Variants in ANK3 observed in about 807,000 individuals in gnomAD.
ANK3 encodes the protein ankyrin 3.
A neutral mutation model predicts 370.9 loss-of-function variants in ANK3; 57 were observed. The ratio of observed to expected loss-of-function variants is 0.15; its 90% CI spans 0.12 to 0.19. ANK3 has a LOEUF of 0.19. Ranked by LOEUF, ANK3 falls within the 10% of genes least tolerant of loss-of-function variation. The probability of loss-of-function intolerance (pLI) is 1.00; values close to 1 mark genes in which losing one functional copy is unlikely to be tolerated. For missense variants in ANK3, 4,439 were observed against 5,302.1 expected, an observed-to-expected ratio of 0.84 and a Z score of 5.06; for synonymous variants, 1,929 against 1,946.3, an observed-to-expected ratio of 0.99 and a Z score of 0.23.
chr10:60,055,561 A>G lies in ANK3; in HGVS notation c.13065+97T>C, dbSNP rs2079016700. 5 of 1,446,702 alleles carry G rather than the reference A, an allele frequency of 3.5e-6. No homozygotes were observed. The South Asian group carries it at 7.8e-5, about 23-fold the overall frequency. 89.6% of individuals were successfully genotyped at this position (1,446,702 alleles called of 1,614,324 possible). A position where few individuals can be genotyped will look rare whatever the true frequency, so the allele number is the denominator to read the frequency against. The stretch of plus-strand genomic sequence containing the variant: ...ACACATTTATAATTTAGAAATCGTA[A>G]AAAACCTTGGGCCCCCGGCTGCAAG... On this transcript the variant is annotated intron_variant, in intron 42 of 43. Transcript: ENST00000280772.
At chr10:60,252,841 C>T (rs577379852) in intron 7 of ANK3, among the ~76,000 whole-genome samples, 3 of 152,288 alleles carry the variant, frequency 2.0e-5, no homozygotes, top group Admixed American at 1.3e-4. Flanking sequence ...ACCTGACCTG[C>T]GTCATGCTTT....
chr10:60,702,004 A>G (rs2079551220), intron 1 of ANK3, among the ~76,000 whole-genome samples: 2 of 152,160 alleles, frequency 1.3e-5, no homozygotes, highest in Admixed American at 1.3e-4. Flanking sequence ...CATGCCTATA[A>G]TTCCAGCACT....
intron 7 of ANK3, among the ~76,000 whole-genome samples, chr10:60,250,920 T>G (rs2097653544): frequency 6.6e-6 from 1 of 152,232 alleles, no homozygotes; most frequent in Admixed American, 6.5e-5. Context: ...TTTCTTGTGA[T>G]GATATTGGAT....
chr10:60,108,948 G>C lies in ANK3; in HGVS notation c.3055C>G (p.Arg1019Gly), dbSNP rs1483512601. The C allele has an allele frequency of 1.9e-6, 3 of 1,613,888 alleles. No homozygotes were observed. Among genetic ancestry groups the C allele is most frequent in the South Asian group, 1.1e-5 (1 of 91,082 alleles). Residue 1019 changes from arginine (R) to glycine (G), a missense_variant, in exon 27 of 44, where the codon CGA becomes GGA. Arg to Gly is a moderately radical substitution (Grantham distance 125, BLOSUM62 -2). Coordinates refer to ENST00000280772, the MANE Select transcript of ANK3 (RefSeq NM_020987.5). ...CTCTTTACCAAACGGCAGGTGATTC[G>C]AGTGGGGGCCGTACACTTGCGTGGA... ...IPPRKCTAPT[R>G]ITCRLVKRHK...
intron 21 of ANK3, among the ~76,000 whole-genome samples, chr10:60,168,117 C>T (rs913489403): frequency 4.6e-5 from 7 of 152,166 alleles, no homozygotes; most frequent in Non-Finnish European, 7.3e-5. Context: ...CCTCTGCCTC[C>T]CAGGTTCAAG....
chr10:60,627,838 ACG>A (rs1182848931), intron 1 of ANK3, among the ~76,000 whole-genome samples: 1 of 152,112 alleles, frequency 6.6e-6, no homozygotes, highest in Non-Finnish European at 1.5e-5. Context: ...CCTCAAAATA[ACG>A]CCATAACATC....
At chr10:60,701,572 G>A (rs963917912) in intron 1 of ANK3, among the ~76,000 whole-genome samples, 3 of 152,152 alleles carry the variant, frequency 2.0e-5, no homozygotes, top group Admixed American at 2.0e-4. Flanking sequence ...CAACACAATA[G>A]CATTTATTGC....
intron 2 of ANK3, among the ~76,000 whole-genome samples, chr10:60,405,142 A>G (rs1174671644): frequency 6.6e-6 from 1 of 152,158 alleles, no homozygotes; most frequent in Non-Finnish European, 1.5e-5. Flanking sequence ...TAATACAAAC[A>G]CCTACCCTAT....
chr10:60,243,389 T>C lies in ANK3; in HGVS notation c.799-8603A>G, dbSNP rs1013593933. On this transcript the variant is annotated intron_variant, in intron 7 of 43. Transcript: ENST00000280772. ...TCAGGGTATGGCCTCCACAATGGGA[T>C]TGGTGGCTTTATAAGAAGAGGAGAA... Among the ~76,000 whole-genome samples, 12 of 152,122 alleles carry C rather than the reference T, an allele frequency of 7.9e-5. No individual in the cohort carries two copies. The East Asian group carries it at 1.2e-3, about 15-fold the overall frequency.
intron 16 of ANK3, among the ~76,000 whole-genome samples, chr10:60,193,900 C>T (rs2096540287): frequency 1.3e-5 from 2 of 152,254 alleles, no homozygotes; most frequent in South Asian, 4.1e-4. Flanking sequence ...GTAGGAGGAT[C>T]ACTTGAGGTT....
At chr10:60,628,964 A>G (rs1190769237) in intron 1 of ANK3, among the ~76,000 whole-genome samples, 1 of 152,192 alleles carries the variant, frequency 6.6e-6, no homozygotes, top group Non-Finnish European at 1.5e-5. Flanking sequence ...ACTTCTCTTC[A>G]ACTTAGGTAT....
intron 9 of ANK3, 43 bp from the exon 10 acceptor site, chr10:60,208,276 A>AAACACAAATGTGCAG: frequency 6.4e-7 from 1 of 1,571,828 alleles, no homozygotes; most frequent in East Asian, 2.2e-5. Context: ...TTTACCTTTT[A>AAACACAAATGTGCAG]AACACAAATG....
At chr10:60,226,024 T>A (rs1433017881) in intron 8 of ANK3, among the ~76,000 whole-genome samples, 3 of 144,426 alleles carry the variant, frequency 2.1e-5, no homozygotes, top group Admixed American at 1.4e-4. Context: ...TAATTGTATA[T>A]CATATATATT....
rs2082271667 is a variant in ANK3 at position 60,069,399 on chromosome 10, A to G, written c.11482T>C (p.Ser3828Pro). The change falls in exon 37 of 44, where the codon TCA (serine) becomes CCA (proline). Residue 3828 changes from serine (S) to proline (P), a missense_variant. By Grantham distance (74) the Ser-to-Pro change is moderately conservative. Coordinates refer to ENST00000280772, the MANE Select transcript of ANK3 (RefSeq NM_020987.5). Reference protein sequence around the residue: ...TEKDNPVKVSSGKKTGVLQGH... With the variant: ...TEKDNPVKVSPGKKTGVLQGH... Reference sequence around the variant, plus strand: ...TGTAGTACCCCTGTCTTTTTTCCTGATGAGACTTTCACTGGGTTATCTTTC... The same window carrying G: ...TGTAGTACCCCTGTCTTTTTTCCTGGTGAGACTTTCACTGGGTTATCTTTC... 1.9e-6 allele frequency: 3 copies of G among 1,613,494 alleles called. No individual in the cohort carries two copies.
intron 2 of ANK3, among the ~76,000 whole-genome samples, chr10:60,537,399 A>G (rs1006395817): frequency 2.6e-5 from 4 of 152,114 alleles, no homozygotes; most frequent in African/African-American, 9.6e-5. Flanking sequence ...TTGTATGAAA[A>G]ATACTTTTAA....
intron 2 of ANK3, among the ~76,000 whole-genome samples, chr10:60,497,600 T>C (rs1321132222): frequency 6.6e-6 from 1 of 152,206 alleles, no homozygotes; most frequent in Non-Finnish European, 1.5e-5. Flanking sequence ...GCACACTTCC[T>C]GTACATGCCT....
chr10:60,519,635 C>G (rs927099223), intron 2 of ANK3, among the ~76,000 whole-genome samples: 27 of 152,078 alleles, frequency 1.8e-4, no homozygotes, highest in African/African-American at 6.3e-4. Flanking sequence ...AGCATTCATC[C>G]TAGGTTTTCT....
intron 1 of ANK3, among the ~76,000 whole-genome samples, chr10:60,668,171 C>T (rs1257104967): frequency 1.3e-5 from 2 of 151,462 alleles, no homozygotes; most frequent in East Asian, 1.9e-4. Context: ...CAGAGGAGAA[C>T]GTAATTCTCA....
In ANK3 at chr10:60,246,255, CAAAAAAAAAA is replaced by C. The variant is rs869144298; in HGVS notation, c.799-11479_799-11470del. ...TGGGCAACAGAGAGAAACCCTGTAT[CAAAAAAAAAA>C]AAAAAAAAAAAAAAAAGAAAAAAGA... is the stretch of plus-strand genomic sequence containing the variant. On this transcript the variant is annotated intron_variant, in intron 7 of 43. Coordinates refer to ENST00000280772, the MANE Select transcript of ANK3 (RefSeq NM_020987.5). Among the ~76,000 whole-genome samples, 315 of 92,672 alleles carry C rather than the reference CAAAAAAAAAA, an allele frequency of 3.4e-3. 1 individual carries two copies. Among genetic ancestry groups the C allele is most frequent in the African/African-American group, 0.014 (301 of 21,260 alleles). The allele number at this position is 92,672 out of a possible 152,430, so 60.8% of individuals were successfully genotyped here.
Sources: gnomAD v4.1 joint callset for allele counts (sites outside exome capture counted in the v4.1 genomes callset) on GRCh38, gnomAD v4.1.1 for gene constraint, MANE v1.5 for transcripts, NCBI Gene and HGNC (gene_info 2026-07-23, HGNC 2026-07-21) for gene names.